The following AMPD2 variants were observed in gnomAD, a reference collection of about 807,000 sequenced individuals.
AMPD2 encodes adenosine monophosphate deaminase 2.
In AMPD2, 52 loss-of-function variants were observed where a neutral mutation model predicts 91.3. The observed-to-expected ratio is 0.57, with a 90% CI of 0.46 to 0.72. AMPD2 has a LOEUF of 0.72. AMPD2 is among the 30% of genes least tolerant of loss of function. The pLI, the probability that AMPD2 is intolerant of heterozygous loss-of-function variation, is 0.00. For missense variants in AMPD2, 822 were observed against 1,122.3 expected (o/e 0.73, Z 3.82); for synonymous variants, 455 against 456.4 (o/e 1.00, Z 0.04).
chr1:109,628,770 C>G lies in AMPD2; in HGVS notation c.1535C>G (p.Pro512Arg), dbSNP rs1319222460. The G allele has an allele frequency of 3.2e-6, 5 of 1,579,816 alleles. No homozygotes were observed. The highest frequency in any genetic ancestry group is 2.3e-5 in the South Asian group (2 of 87,582). Reference sequence around the variant, plus strand: ...GCCGTCATGCACCGCGTGCACTCCCCCAACGTGCGCTGGCTGGTGCAGGTG... The same window carrying G: ...GCCGTCATGCACCGCGTGCACTCCCGCAACGTGCGCTGGCTGGTGCAGGTG... ...RWAVMHRVHS[P>R]NVRWLVQVPR... is the part of the protein sequence containing the mutation. The change falls in exon 13 of 19, where the codon CCC (proline) becomes CGC (arginine). Residue 512 changes from proline (P) to arginine (R), a missense_variant. Coordinates refer to ENST00000528667, the MANE Select transcript of AMPD2 (RefSeq NM_001368809.2). This position sits in a 1 kb window ranked among gnomAD's most constrained non-coding sequence, Gnocchi z 7.1.
rs1363026253 is a variant in AMPD2 at position 109,632,027 on chromosome 1, T to A, written c.*875T>A. ...CATACGAACCATCTTTCCTAGTGCATGAGAAATAAAGATTATTTAAGTAAT... is the reference window on the plus strand; with the variant it reads ...CATACGAACCATCTTTCCTAGTGCAAGAGAAATAAAGATTATTTAAGTAAT... On this transcript the variant is annotated 3_prime_UTR_variant, in exon 19 of 19. Coordinates refer to ENST00000528667, the MANE Select transcript of AMPD2 (RefSeq NM_001368809.2). 6.5e-6 allele frequency: 1 copy of A among 152,680 alleles called. No individual in the cohort carries two copies. Among genetic ancestry groups the A allele is most frequent in the Non-Finnish European group, 1.5e-5 (1 of 68,056 alleles). 9.5% of individuals were successfully genotyped at this position (152,680 alleles called of 1,614,324 possible).
rs1650526402 is a variant in AMPD2 at position 109,624,969 on chromosome 1, G to A, written c.92-334G>A. ...TGCATGTGTGTGCACACGTACACAC[G>A]TGCACCTGCCTCTGGGAGGTAGTCA... On this transcript the variant is annotated intron_variant, in intron 2 of 18. Coordinates refer to ENST00000528667, the MANE Select transcript of AMPD2 (RefSeq NM_001368809.2). This position sits in a 1 kb window ranked among gnomAD's most constrained non-coding sequence, Gnocchi z 5.2. Among the ~76,000 whole-genome samples the A allele has an allele frequency of 1.3e-5, 2 of 152,282 alleles. No homozygotes were observed. The highest frequency in any genetic ancestry group is 2.1e-4 in the South Asian group (1 of 4,830).
rs558496555 is a variant in AMPD2 at position 109,631,470 on chromosome 1, T to TG, written c.*324dup. ...TGTCCACAGGGGCTTGGGATGGTTG[T>TG]GGGGGGCTGGCCCCTCTAGCCTTTC... On this transcript the variant is annotated 3_prime_UTR_variant, in exon 19 of 19. Coordinates refer to ENST00000528667, the MANE Select transcript of AMPD2 (RefSeq NM_001368809.2). 552 of 454,206 alleles carry TG rather than the reference T, an allele frequency of 1.2e-3. 11 individuals are homozygous for TG. The South Asian group carries it at 0.012, about 10-fold the overall frequency. The allele number at this position is 454,206 out of a possible 1,614,324, so 28.1% of individuals were successfully genotyped here. A position where few individuals can be genotyped will look rare whatever the true frequency, so the allele number is the denominator to read the frequency against.
intron 1 of AMPD2, chr1:109,620,488 C>A (rs753001067): frequency 7.7e-6 from 9 of 1,165,366 alleles, no homozygotes; most frequent in Non-Finnish European, 9.0e-6. Context: ...GACCCCCAGA[C>A]AAGGGGGTCT....
Position 109,619,979 on chromosome 1 carries a change from C to A in AMPD2, c.-562C>A. 1 of 479,426 alleles carries A rather than the reference C, an allele frequency of 2.1e-6. No homozygotes were observed. The highest frequency in any genetic ancestry group is 3.8e-6 in the Non-Finnish European group (1 of 259,888). The allele number at this position is 479,426 out of a possible 1,614,324, so 29.7% of individuals were successfully genotyped here. A position where few individuals can be genotyped will look rare whatever the true frequency, so the allele number is the denominator to read the frequency against. On this transcript the variant is annotated 5_prime_UTR_variant, in exon 1 of 19. Transcript: ENST00000528667. Reference sequence around the variant, plus strand: ...AGAAATCTGGACGAGTTTCGGGTCCCGCTCCCTTGGGAGCACGTGGCCTAC... The same window carrying A: ...AGAAATCTGGACGAGTTTCGGGTCCAGCTCCCTTGGGAGCACGTGGCCTAC...
intron 2 of AMPD2, chr1:109,621,497 G>T (rs1650272177): frequency 1.6e-6 from 1 of 639,316 alleles, no homozygotes; most frequent in South Asian, 1.8e-5. Context: ...TCTGTCACAA[G>T]GAGTGGGCAT....
In AMPD2 at chr1:109,628,074, C is replaced by T; in HGVS notation, c.1081-9C>T. 1 of 1,612,012 alleles carries T rather than the reference C, an allele frequency of 6.2e-7. No individual in the cohort carries two copies. The highest frequency in any genetic ancestry group is 1.1e-5 in the South Asian group (1 of 90,814). On this transcript the variant is annotated splice_polypyrimidine_tract_variant and intron_variant, in intron 10 of 18. Transcript: ENST00000528667. The surrounding 1 kb of genome is among the most constrained non-coding windows in gnomAD (Gnocchi z 7.1). The stretch of plus-strand genomic sequence containing the variant: ...TCTGGTGGATCAGCAGTGCCCTGTT[C>T]CATTCCAGGTGGACACCCACATCCA...
In AMPD2 at chr1:109,630,649, G is replaced by A. The variant is rs945710841; in HGVS notation, c.2158-34G>A. 8.2e-6 allele frequency: 13 copies of A among 1,579,132 alleles called. 1 individual carries two copies. The African/African-American group carries it at 1.6e-4, about 20-fold the overall frequency. Reference sequence around the variant, plus strand: ...AAGGGAGGCAGGGGCAGCTGGCCAGGGCGCACTCGTCTGAGGGAACCTGGC... The same window carrying A: ...AAGGGAGGCAGGGGCAGCTGGCCAGAGCGCACTCGTCTGAGGGAACCTGGC... On this transcript the variant is annotated intron_variant, in intron 17 of 18. Coordinates refer to ENST00000528667, the MANE Select transcript of AMPD2 (RefSeq NM_001368809.2).
chr1:109,626,991 C>T, intron 7 of AMPD2, 79 bp downstream of exon 7: 1 of 1,554,928 alleles, frequency 6.4e-7, no homozygotes, highest in African/African-American at 1.4e-5. Flanking sequence ...GCACCTCTGC[C>T]CTGCCTGCCT....
intron 4 of AMPD2, 121 bp from the exon 5 acceptor site, chr1:109,626,039 C>T (rs894900638): frequency 1.6e-6 from 2 of 1,224,964 alleles, no homozygotes; most frequent in Non-Finnish European, 1.2e-6. Flanking sequence ...CAGGGTTCTG[C>T]AGCTCTGCCT....
At chr1:109,630,180 C>G in intron 16 of AMPD2, 53 bp from the exon 17 acceptor site, 3 of 1,596,478 alleles carry the variant, frequency 1.9e-6, no homozygotes, top group Non-Finnish European at 2.6e-6. Flanking sequence ...CCACTGTGCC[C>G]TGCCCAGCCT....
chr1:109,620,774 A>ATCCTT (rs1650182068), intron 1 of AMPD2, 140 bp from the exon 2 acceptor site: 3 of 1,290,438 alleles, frequency 2.3e-6, no homozygotes, highest in Admixed American at 7.4e-5. Flanking sequence ...AGCTGGAAGG[A>ATCCTT]CCAGCTAGCC....
intron 1 of AMPD2, 28 bp from the exon 2 acceptor site, chr1:109,620,886 T>A: frequency 1.4e-6 from 2 of 1,443,334 alleles, no homozygotes; most frequent in Non-Finnish European, 1.8e-6. Flanking sequence ...TCTTCTTTTC[T>A]ACCCACCCCC....
chr1:109,620,816 G>T, intron 1 of AMPD2, 98 bp from the exon 2 acceptor site: 2 of 1,350,794 alleles, frequency 1.5e-6, no homozygotes, highest in East Asian at 2.8e-5. Context: ...GGGAGCCCTG[G>T]CATGATGGGG....
At chr1:109,629,711 T>TA in intron 15 of AMPD2, 85 bp from the exon 16 acceptor site, 2 of 1,468,132 alleles carry the variant, frequency 1.4e-6, no homozygotes, top group Non-Finnish European at 1.8e-6. Flanking sequence ...CTGGAGGACA[T>TA]ATGCGTGCTG....
At chr1:109,627,639 T>G in intron 9 of AMPD2, 121 bp downstream of exon 9, 1 of 1,515,448 alleles carries the variant, frequency 6.6e-7, no homozygotes. Context: ...AGCCCTCGAC[T>G]TCCCCGCAGT....
At position 109,626,402 on chromosome 1, in the gene AMPD2, C is replaced by T. The variant is rs760825782; in HGVS notation, c.506C>T (p.Thr169Ile). 1 of 1,611,618 alleles carries T rather than the reference C, an allele frequency of 6.2e-7. No homozygotes were observed. Among genetic ancestry groups the T allele is most frequent in the East Asian group, 2.2e-5 (1 of 44,846 alleles). ...CTGGAACGGGAGTTTCAGCGGGTCA[C>T]CATCTCTGGGGAGGAGAAGTGTGGG... ...DVLEREFQRV[T>I]ISGEEKCGVP... The change falls in exon 6 of 19, where the codon ACC (threonine) becomes ATC (isoleucine). Residue 169 changes from threonine (T) to isoleucine (I), a missense_variant. Transcript: ENST00000528667.
rs1650975009 is a variant in AMPD2, at chr1:109,629,100, C to T, written c.1572-9C>T. 1 of 1,613,266 alleles carries T rather than the reference C, an allele frequency of 6.2e-7. No individual in the cohort carries two copies. The highest frequency in any genetic ancestry group is 8.5e-7 in the Non-Finnish European group (1 of 1,179,662). ...ACTTGCACATACCTGCATGTTGTCT[C>T]ACCTGCAGTGATGTGTACCGTACCA... On this transcript the variant is annotated splice_polypyrimidine_tract_variant and intron_variant, in intron 13 of 18. Transcript: ENST00000528667.
rs1278924073 is a variant in AMPD2, at chr1:109,621,223, C to T, written c.48C>T (p.Pro16=). ...SGSGKPKAKY[P]FKKRASLQAS... is the part of the protein sequence containing the mutation. Reference sequence around the variant, plus strand: ...CTGGCAAGCCCAAGGCCAAATATCCCTTTAAGAAGCGGGCCAGCCTGCAGG... The same window carrying T: ...CTGGCAAGCCCAAGGCCAAATATCCTTTTAAGAAGCGGGCCAGCCTGCAGG... Residue 16 remains proline, a synonymous_variant, in exon 2 of 19, where the codon CCC becomes CCT. Transcript: ENST00000528667. 6.2e-7 allele frequency: 1 copy of T among 1,612,012 alleles called. No homozygotes were observed. Among genetic ancestry groups the T allele is most frequent in the Admixed American group, 1.7e-5 (1 of 59,846 alleles).
Sources: gnomAD v4.1 joint callset for allele counts (sites outside exome capture counted in the v4.1 genomes callset) on GRCh38, gnomAD v4.1.1 for gene constraint, Gnocchi (gnomAD v3.1) non-coding constraint, MANE v1.5 for transcripts, NCBI Gene and HGNC (gene_info 2026-07-23, HGNC 2026-07-21) for gene names.